Variants in LRP5 observed in about 807,000 individuals in gnomAD.
LRP5 encodes the protein low-density lipoprotein receptor-related protein 5.
In LRP5, 62 loss-of-function variants were observed where a neutral mutation model predicts 154.1. That is an observed-to-expected ratio of 0.40 (90% CI 0.33 to 0.50). LRP5 has a LOEUF of 0.50. Among genes scored for constraint, LRP5 ranks in the 20% least tolerant of loss-of-function variants. The pLI, the probability that LRP5 is intolerant of heterozygous loss-of-function variation, is 0.55. For missense variants in LRP5, 1,915 were observed against 2,336.7 expected (o/e 0.82, Z 3.72); for synonymous variants, 966 against 1,011.5 (o/e 0.96, Z 0.85).
chr11:68,421,303 G>A (rs912762655), intron 13 of LRP5, among the ~76,000 whole-genome samples: 3 of 152,154 alleles, frequency 2.0e-5, no homozygotes, highest in Admixed American at 6.5e-5. Context: ...GGCCAGCCGC[G>A]TAAAGTTTGC....
At chr11:68,388,676 A>G (rs1257236218) in intron 6 of LRP5, among the ~76,000 whole-genome samples, 1 of 152,080 alleles carries the variant, frequency 6.6e-6, no homozygotes, top group Admixed American at 6.5e-5. Flanking sequence ...TCCTCCCTCT[A>G]GGTGCTCAGC....
rs373797640 is a variant in LRP5, at chr11:68,416,539, G to A, written c.3027+12G>A. The A allele has an allele frequency of 1.1e-5, 18 of 1,613,590 alleles. No individual in the cohort carries two copies. Among genetic ancestry groups the A allele is most frequent in the African/African-American group, 4.0e-5 (3 of 74,922 alleles). On this transcript the variant is annotated intron_variant, in intron 13 of 22. Coordinates refer to ENST00000294304, the MANE Select transcript of LRP5 (RefSeq NM_002335.4). Reference sequence around the variant, plus strand: ...ACGACGGGACCCAGGCAGGTGCCCTGTGGGAAGGGTGCGGGGTGTGCTTCC... The same window carrying A: ...ACGACGGGACCCAGGCAGGTGCCCTATGGGAAGGGTGCGGGGTGTGCTTCC...
chr11:68,305,846 T>A, the LRP5 span, among the ~76,000 whole-genome samples: 1 of 152,242 alleles, frequency 6.6e-6, no homozygotes, highest in African/African-American at 2.4e-5. Context: ...TTGTGAAGAT[T>A]AGGTACTGTA....
chr11:68,379,525 T>C lies in LRP5; in HGVS notation c.1016-6791T>C, dbSNP rs1246701480. Among the ~76,000 whole-genome samples the C allele has an allele frequency of 2.0e-5, 3 of 152,228 alleles. No individual in the cohort carries two copies. The East Asian group carries it at 5.8e-4, about 29-fold the overall frequency. On this transcript the variant is annotated intron_variant, in intron 5 of 22. Transcript: ENST00000294304. ...CAGGCCTTTCCACCTCACTGGCAGC[T>C]CTGAGCGGCTCCCTTCTATTTGCAG...
intron 3 of LRP5, among the ~76,000 whole-genome samples, chr11:68,358,596 G>A (rs1473696711): frequency 6.6e-6 from 1 of 152,126 alleles, no homozygotes; most frequent in East Asian, 1.9e-4. Flanking sequence ...GGCAACAGCC[G>A]GAAGCTGTCT....
intron 13 of LRP5, among the ~76,000 whole-genome samples, chr11:68,418,482 T>C (rs2153170483): frequency 6.6e-6 from 1 of 151,498 alleles, no homozygotes; most frequent in East Asian, 1.9e-4. Context: ...TGTGGTGAAA[T>C]CTTGGTACTT....
At chr11:68,370,407 CAG>C (rs1202099300) in intron 5 of LRP5, among the ~76,000 whole-genome samples, 7 of 152,182 alleles carry the variant, frequency 4.6e-5, no homozygotes, top group East Asian at 1.9e-4. Context: ...CCTGCGCTCA[CAG>C]GGGGTGGTTA....
chr11:68,335,237 T>C (rs533651451), intron 1 of LRP5, among the ~76,000 whole-genome samples: 2 of 152,006 alleles, frequency 1.3e-5, no homozygotes, highest in South Asian at 4.2e-4. Context: ...CCACCACACC[T>C]GTCTGATTTA....
intron 1 of LRP5, among the ~76,000 whole-genome samples, chr11:68,346,142 T>C (rs2153128337): frequency 6.6e-6 from 1 of 152,382 alleles, no homozygotes; most frequent in South Asian, 2.1e-4. Context: ...CTCTCGATAG[T>C]GTCTTTTGAT....
intron 21 of LRP5, among the ~76,000 whole-genome samples, chr11:68,442,864 T>C (rs1362697714): frequency 6.6e-6 from 1 of 152,190 alleles, no homozygotes; most frequent in Non-Finnish European, 1.5e-5. Flanking sequence ...AACCACCTTC[T>C]ACTCTGCTTC....
intron 2 of LRP5, among the ~76,000 whole-genome samples, chr11:68,352,220 G>A (rs550575207): frequency 2.0e-5 from 3 of 152,258 alleles, no homozygotes; most frequent in African/African-American, 7.2e-5. Flanking sequence ...GCGAGATTTG[G>A]GATCTGTTCT....
chr11:68,382,236 C>T (rs190765533), intron 5 of LRP5, among the ~76,000 whole-genome samples: 4 of 152,298 alleles, frequency 2.6e-5, no homozygotes, highest in Non-Finnish European at 1.5e-5. Flanking sequence ...GAAGGGATGC[C>T]GAGAATAGGT....
rs1464082457 is a variant in LRP5, at chr11:68,423,316, G to A, written c.3028-173G>A. Among the ~76,000 whole-genome samples the A allele has an allele frequency of 6.6e-6, 1 of 152,196 alleles. No homozygotes were observed. The highest frequency in any genetic ancestry group is 2.4e-5 in the African/African-American group (1 of 41,444). ...GATTTGACTTTCAGGCTAAACTTGA[G>A]AAGTGTGGCCTCTGCTGTCCTGCCA... On this transcript the variant is annotated intron_variant, in intron 13 of 22. Coordinates refer to ENST00000294304, the MANE Select transcript of LRP5 (RefSeq NM_002335.4). This position sits in a 1 kb window ranked among gnomAD's most constrained non-coding sequence, Gnocchi z 4.7.
chr11:68,430,613 A>G (rs1378620009), intron 17 of LRP5, among the ~76,000 whole-genome samples: 5 of 152,248 alleles, frequency 3.3e-5, no homozygotes, highest in African/African-American at 1.2e-4. Context: ...AATAGTGCTC[A>G]TCAGGTTGTC....
At chr11:68,438,741 T>C (rs958482193) in intron 20 of LRP5, 59 bp downstream of exon 20, 5 of 1,511,802 alleles carry the variant, frequency 3.3e-6, no homozygotes, top group South Asian at 1.1e-5. Context: ...CTGGGCAGCT[T>C]TGGGGAGTGG....
chr11:68,403,479 G>A lies in LRP5; in HGVS notation c.1585-4G>A. The A allele has an allele frequency of 6.2e-7, 1 of 1,613,872 alleles. No individual in the cohort carries two copies. Among genetic ancestry groups the A allele is most frequent in the Non-Finnish European group, 8.5e-7 (1 of 1,179,814 alleles). On this transcript the variant is annotated splice_region_variant and splice_polypyrimidine_tract_variant and intron_variant, in intron 7 of 22. Coordinates refer to ENST00000294304, the MANE Select transcript of LRP5 (RefSeq NM_002335.4). ...TCCAGACCTATATTTCTGCCGTCCT[G>A]CAGGTGATCAATGTTGATGGGACGA...
Position 68,425,229 on chromosome 11 carries a change from A to C in LRP5, c.3364A>C (p.Thr1122Pro). The C allele has an allele frequency of 6.2e-7, 1 of 1,612,280 alleles. No homozygotes were observed. Among genetic ancestry groups the C allele is most frequent in the Non-Finnish European group, 8.5e-7 (1 of 1,179,882 alleles). ...IRPVALVVDN[T>P]LGKLFWVDAD... The stretch of plus-strand genomic sequence containing the variant: ...CCCTGTGGCCCTGGTGGTGGACAAC[A>C]CACTGGGCAAGCTGTTCTGGGTGGA... The change falls in exon 15 of 23, where the codon ACA (threonine) becomes CCA (proline). Residue 1122 changes from threonine (T) to proline (P), a missense_variant. By Grantham distance (38) the Thr-to-Pro change is conservative (BLOSUM62 -1). Transcript: ENST00000294304.
Position 68,324,389 on chromosome 11 carries a change from G to A in LRP5, c.91+11584G>A, listed in dbSNP as rs771721018. On this transcript the variant is annotated intron_variant, in intron 1 of 22. Coordinates refer to ENST00000294304, the MANE Select transcript of LRP5 (RefSeq NM_002335.4). ...GTGGCCCTGTGTGCTGACCCAGCTG[G>A]GCTCTGCCCTGTGTGGCCCCCAGGG... Among the ~76,000 whole-genome samples, 18 of 152,200 alleles carry A rather than the reference G, an allele frequency of 1.2e-4. No homozygotes were observed. The South Asian group carries it at 1.2e-3, about 11-fold the overall frequency.
At chr11:68,359,813 G>C (rs1202932955) in intron 3 of LRP5, among the ~76,000 whole-genome samples, 1 of 148,930 alleles carries the variant, frequency 6.7e-6, no homozygotes, top group Non-Finnish European at 1.5e-5. Context: ...TTGGGATGGA[G>C]TCTTGCTCTG....
Sources: allele counts gnomAD v4.1 joint callset (sites outside exome capture counted in the v4.1 genomes callset), GRCh38; gene constraint gnomAD v4.1.1; non-coding constraint Gnocchi (gnomAD v3.1); transcripts MANE v1.5; gene names NCBI Gene and HGNC (gene_info 2026-07-23, HGNC 2026-07-21).